Variants in ROBO3 observed in about 807,000 individuals in gnomAD.
ROBO3 encodes the protein roundabout homolog 3.
ROBO3 carries 97 observed loss-of-function variants against 160.5 expected under a neutral mutation model. The ratio of observed to expected loss-of-function variants is 0.60; its 90% CI spans 0.51 to 0.72. The LOEUF (loss-of-function observed/expected upper bound fraction) is 0.72. ROBO3 is among the 30% of genes least tolerant of loss of function. The probability of loss-of-function intolerance (pLI) is 0.00; values close to 1 mark genes in which losing one functional copy is unlikely to be tolerated. For synonymous variants in ROBO3, 780 were observed against 746.2 expected (o/e 1.05, Z -0.74); for missense variants, 1,858 against 1,846.5 (o/e 1.01, Z -0.11).
chr11:124,873,620 T>A lies in ROBO3; in HGVS notation c.1619-77T>A, dbSNP rs575008796. The A allele has an allele frequency of 5.8e-6, 8 of 1,388,060 alleles. No individual in the cohort carries two copies. The African/African-American group carries it at 1.1e-4, about 20-fold the overall frequency. The allele number at this position is 1,388,060 out of a possible 1,614,324, so 86.0% of individuals were successfully genotyped here. On this transcript the variant is annotated intron_variant, in intron 10 of 27. Coordinates refer to ENST00000397801, the MANE Select transcript of ROBO3 (RefSeq NM_022370.4). The surrounding 1 kb of genome is among the most constrained non-coding windows in gnomAD (Gnocchi z 4.5). ...TCACCGCAGCTCAGAGCTCCATAGC[T>A]CCCCTGGTAAGGAGACAGGTTACAC...
In ROBO3 at chr11:124,877,169, G is replaced by A; in HGVS notation, c.2788G>A (p.Ala930Thr). Reference sequence around the variant, plus strand: ...GGGTTCCTTTCTGGAAGCCTCTTTTGCCTACACACCGGCAGGTAAGCCATC... The same window carrying A: ...GGGTTCCTTTCTGGAAGCCTCTTTTACCTACACACCGGCAGGTAAGCCATC... Reference protein sequence around the residue: ...KELSHYTASFAYTPAVSFPHS... With the variant: ...KELSHYTASFTYTPAVSFPHS... Residue 930 changes from alanine (A) to threonine (T), a missense_variant, in exon 18 of 28, where the codon GCC (alanine) becomes ACC (threonine). Transcript: ENST00000397801. 1.2e-6 allele frequency: 2 copies of A among 1,613,870 alleles called. No homozygotes were observed. The highest frequency in any genetic ancestry group is 8.5e-7 in the Non-Finnish European group (1 of 1,179,864).
Position 124,873,509 on chromosome 11 carries a change from C to T in ROBO3, c.1618+118C>T, listed in dbSNP as rs1251433961. On this transcript the variant is annotated intron_variant, in intron 10 of 27. Transcript: ENST00000397801. This position sits in a 1 kb window ranked among gnomAD's most constrained non-coding sequence, Gnocchi z 4.5. ...CTTTATGTCACAAATGCCATGGTTA[C>T]GGTGGTGAGGATGAGAAGGACAGTA... 3.9e-5 allele frequency: 43 copies of T among 1,091,516 alleles called. No individual in the cohort carries two copies. Among genetic ancestry groups the T allele is most frequent in the Middle Eastern group, 2.0e-4 (1 of 5,082 alleles). The allele number at this position is 1,091,516 out of a possible 1,614,324, so 67.6% of individuals were successfully genotyped here.
chr11:124,874,386 T>C, intron 12 of ROBO3, 150 bp downstream of exon 12: 2 of 714,508 alleles, frequency 2.8e-6, no homozygotes, highest in Admixed American at 3.0e-5. Context: ...TAGGAGATCA[T>C]GTTTGCCTCT....
chr11:124,865,508 C>G lies in ROBO3; in HGVS notation c.-70C>G, dbSNP rs1263217792. 5 of 1,523,462 alleles carry G rather than the reference C, an allele frequency of 3.3e-6. No individual in the cohort carries two copies. The highest frequency in any genetic ancestry group is 1.4e-5 in the African/African-American group (1 of 73,020). 94.4% of individuals were successfully genotyped at this position (1,523,462 alleles called of 1,614,324 possible). A position where few individuals can be genotyped will look rare whatever the true frequency, so the allele number is the denominator to read the frequency against. On this transcript the variant is annotated 5_prime_UTR_variant, in exon 1 of 28. Transcript: ENST00000397801. The surrounding 1 kb of genome is among the most constrained non-coding windows in gnomAD (Gnocchi z 5.5). The stretch of plus-strand genomic sequence containing the variant: ...GAGGCTGTGGAGGGGCTTACGGCTC[C>G]CAGCCCACGGGTCTCAGACCCAGGG...
chr11:124,870,055 A>C lies in ROBO3; in HGVS notation c.753A>C (p.Glu251Asp). 6.2e-7 allele frequency: 1 copy of C among 1,614,016 alleles called. No individual in the cohort carries two copies. The highest frequency in any genetic ancestry group is 1.3e-5 in the African/African-American group (1 of 75,058). The change falls in exon 4 of 28, where the codon GAA becomes GAC. Residue 251 changes from glutamate to aspartate, a missense_variant. Glu to Asp is a conservative substitution (Grantham distance 45). Transcript: ENST00000397801. The part of the protein sequence containing the change: ...MAGERESAAA[E>D]VMVLERPSFL... ...GAGAACGGGAGAGTGCGGCAGCTGAAGTCATGGTACTGGGTAGGCACAGGG... is the reference window on the plus strand; with the variant it reads ...GAGAACGGGAGAGTGCGGCAGCTGACGTCATGGTACTGGGTAGGCACAGGG...
In ROBO3 at chr11:124,878,021, C is replaced by G. The variant is rs2135342081; in HGVS notation, c.3071C>G (p.Pro1024Arg). 1.9e-6 allele frequency: 3 copies of G among 1,612,462 alleles called. No homozygotes were observed. Among genetic ancestry groups the G allele is most frequent in the African/African-American group, 1.3e-5 (1 of 75,032 alleles). The change falls in exon 21 of 28, where the codon CCA (proline) becomes CGA (arginine). Residue 1024 changes from proline (P) to arginine (R), a missense_variant. Pro to Arg is a moderately radical substitution (Grantham distance 103). Coordinates refer to ENST00000397801, the MANE Select transcript of ROBO3 (RefSeq NM_022370.4). The surrounding 1 kb of genome is among the most constrained non-coding windows in gnomAD (Gnocchi z 4.3). ...GGTCCTGTCTATAGCACCATTGACC[C>G]AGCGGGGGAGGAGCTGCAGACCTTC... ...GEGPVYSTID[P>R]AGEELQTFHG...
In ROBO3 at chr11:124,869,303, T is replaced by A. The variant is rs1946246520; in HGVS notation, c.488-147T>A. ...CACCACGGCCAGAGAAGGAAGTGGA[T>A]CTGACTCCAGGCTGATATTTTCTCA... On this transcript the variant is annotated intron_variant, in intron 2 of 27. Coordinates refer to ENST00000397801, the MANE Select transcript of ROBO3 (RefSeq NM_022370.4). This position sits in a 1 kb window ranked among gnomAD's most constrained non-coding sequence, Gnocchi z 4.2. 1.8e-6 allele frequency: 2 copies of A among 1,087,398 alleles called. No individual in the cohort carries two copies. The highest frequency in any genetic ancestry group is 2.7e-6 in the Non-Finnish European group (2 of 727,376). 67.4% of individuals were successfully genotyped at this position (1,087,398 alleles called of 1,614,324 possible).
rs1223279009 is a variant in ROBO3 at position 124,874,154 on chromosome 11, C to T, written c.1869C>T (p.Thr623=). 6.2e-7 allele frequency: 1 copy of T among 1,613,978 alleles called. No individual in the cohort carries two copies. Among genetic ancestry groups the T allele is most frequent in the South Asian group, 1.1e-5 (1 of 91,082 alleles). Residue 623 remains threonine, a synonymous_variant, in exon 12 of 28, where the codon ACC becomes ACT. Transcript: ENST00000397801. ...CAGTCAGCGGTCTGCAGCCCAATACCATCTACCTGTTTCTGGTTCGAGCAG... is the reference window on the plus strand; with the variant it reads ...CAGTCAGCGGTCTGCAGCCCAATACTATCTACCTGTTTCTGGTTCGAGCAG... ...THTVSGLQPN[T]IYLFLVRAVG...
chr11:124,875,053 G>GGAGGGCCTGTATGGCCCC, intron 13 of ROBO3, 58 bp from the exon 14 acceptor site: 1 of 1,518,374 alleles, frequency 6.6e-7, no homozygotes, highest in East Asian at 2.4e-5. Flanking sequence ...TGGATGGCCT[G>GGAGGGCCTGTATGGCCCC]GAGGGCCTGT....
chr11:124,873,856 C>T lies in ROBO3; in HGVS notation c.1778C>T (p.Ala593Val), dbSNP rs375024096. The T allele has an allele frequency of 3.4e-5, 55 of 1,612,754 alleles. No individual in the cohort carries two copies. The highest frequency in any genetic ancestry group is 4.6e-5 in the Non-Finnish European group (54 of 1,179,370). The change falls in exon 11 of 28, where the codon GCC becomes GTC. Residue 593 changes from alanine to valine, a missense_variant. Transcript: ENST00000397801. The surrounding 1 kb of genome is among the most constrained non-coding windows in gnomAD (Gnocchi z 4.5). ...GAAVTSYVIE[A>V]FSPAAGNTWR... ...GCAGTCACGTCTTATGTGATAGAGGCCTTCAGGTATGGAGAAAGTTTTGAA... is the reference window on the plus strand; with the variant it reads ...GCAGTCACGTCTTATGTGATAGAGGTCTTCAGGTATGGAGAAAGTTTTGAA...
rs1194290838 is a variant in ROBO3 at position 124,876,140 on chromosome 11, G to T, written c.2593+15G>T. ...GGTGCAGCTGCGTGAGTCCACCCGA[G>T]GGCAGTGCTGAGGATCTTGACGGGG... On this transcript the variant is annotated intron_variant, in intron 16 of 27. Coordinates refer to ENST00000397801, the MANE Select transcript of ROBO3 (RefSeq NM_022370.4). The surrounding 1 kb of genome is among the most constrained non-coding windows in gnomAD (Gnocchi z 5.3). The T allele has an allele frequency of 6.9e-6, 11 of 1,589,676 alleles. No homozygotes were observed. The highest frequency in any genetic ancestry group is 9.4e-6 in the Non-Finnish European group (11 of 1,171,986).
At position 124,872,600 on chromosome 11, in the gene ROBO3, A is replaced by C. The variant is rs1295999427; in HGVS notation, c.1330+48A>C. On this transcript the variant is annotated intron_variant, in intron 8 of 27. Coordinates refer to ENST00000397801, the MANE Select transcript of ROBO3 (RefSeq NM_022370.4). The surrounding 1 kb of genome is among the most constrained non-coding windows in gnomAD (Gnocchi z 4.3). ...CTGGATCCATGGCTTGGGAGGAAAT[A>C]ATGGCCTAAAGTGATGTGTTTCTCT... 1 of 1,558,832 alleles carries C rather than the reference A, an allele frequency of 6.4e-7. No homozygotes were observed. Among genetic ancestry groups the C allele is most frequent in the South Asian group, 1.2e-5 (1 of 86,404 alleles).
intron 1 of ROBO3, among the ~76,000 whole-genome samples, chr11:124,867,085 C>T (rs1428283298): frequency 6.6e-6 from 1 of 152,008 alleles, no homozygotes; most frequent in African/African-American, 2.4e-5. Flanking sequence ...GTGAATGGTG[C>T]CCTAATCGTC....
In ROBO3 at chr11:124,879,826, C is replaced by T. The variant is rs201702041; in HGVS notation, c.3836C>T (p.Ala1279Val). ...CCCTTGCCACCGCCAGAGGAAGAGG[C>T]GAGCTGGGCCCTAGAGCTGAGGGCA... is the stretch of plus-strand genomic sequence containing the variant. ...PPPLPPPEEE[A>V]SWALELRAAG... The change falls in exon 26 of 28, where the codon GCG (alanine) becomes GTG (valine). Residue 1279 changes from alanine to valine, a missense_variant. Transcript: ENST00000397801. 2.7e-4 allele frequency: 430 copies of T among 1,613,858 alleles called. 1 individual carries two copies. Among genetic ancestry groups the T allele is most frequent in the South Asian group, 9.0e-4 (82 of 91,070 alleles).
chr11:124,878,831 C>T lies in ROBO3; in HGVS notation c.3533+35C>T, dbSNP rs749644136. The T allele has an allele frequency of 6.3e-5, 96 of 1,527,642 alleles. No individual in the cohort carries two copies. In the Admixed American group the frequency reaches 1.6e-3, roughly 26 times the overall value. 94.6% of individuals were successfully genotyped at this position (1,527,642 alleles called of 1,614,324 possible). On this transcript the variant is annotated intron_variant, in intron 23 of 27. Coordinates refer to ENST00000397801, the MANE Select transcript of ROBO3 (RefSeq NM_022370.4). This position sits in a 1 kb window ranked among gnomAD's most constrained non-coding sequence, Gnocchi z 4.3. ...TATATAGTACCTCACTCATTGCAAG[C>T]CCTCTATACGTATCTACTCAGTAGA...
At position 124,877,632 on chromosome 11, in the gene ROBO3, C is replaced by G; in HGVS notation, c.2960C>G (p.Pro987Arg). The G allele has an allele frequency of 6.2e-7, 1 of 1,610,894 alleles. No individual in the cohort carries two copies. The highest frequency in any genetic ancestry group is 8.5e-7 in the Non-Finnish European group (1 of 1,178,676). The part of the protein sequence containing the change: ...EPRGSCCPSN[P>R]DPDDRYYNEA... The stretch of plus-strand genomic sequence containing the variant: ...AGGGGAAGCTGCTGCCCTAGCAATC[C>G]TGACCCGGACGACAGATATTACAAC... Residue 987 changes from proline (P) to arginine (R), a missense_variant, in exon 20 of 28, where the codon CCT becomes CGT. Coordinates refer to ENST00000397801, the MANE Select transcript of ROBO3 (RefSeq NM_022370.4).
At chr11:124,881,106 G>T in intron 27 of ROBO3, 133 bp from the exon 28 acceptor site, 1 of 809,900 alleles carries the variant, frequency 1.2e-6, no homozygotes, top group Non-Finnish European at 2.0e-6. Context: ...GTGAGGACAA[G>T]ATGACACATA....
chr11:124,877,195 T>C lies in ROBO3; in HGVS notation c.2803+11T>C. ...CCTACACACCGGCAGGTAAGCCATC[T>C]CTGCCCCAGTGGGGTTCAGACCCCC... On this transcript the variant is annotated intron_variant, in intron 18 of 27. Transcript: ENST00000397801. 6.2e-7 allele frequency: 1 copy of C among 1,613,920 alleles called. No homozygotes were observed. The highest frequency in any genetic ancestry group is 1.3e-5 in the African/African-American group (1 of 75,026).
At position 124,869,437 on chromosome 11, in the gene ROBO3, C is replaced by CCCCCCCCCCCCCT; in HGVS notation, c.488-12_488-11insCCCCCCCCCCCTC. The CCCCCCCCCCCCCT allele has an allele frequency of 1.4e-6, 2 of 1,435,996 alleles. No homozygotes were observed. Among genetic ancestry groups the CCCCCCCCCCCCCT allele is most frequent in the Non-Finnish European group, 1.9e-6 (2 of 1,046,454 alleles). The allele number at this position is 1,435,996 out of a possible 1,614,324, so 89.0% of individuals were successfully genotyped here. On this transcript the variant is annotated splice_polypyrimidine_tract_variant and intron_variant, in intron 2 of 27. Transcript: ENST00000397801. The surrounding 1 kb of genome is among the most constrained non-coding windows in gnomAD (Gnocchi z 4.2). ...TACACCCTGCTTATTTCGCCCCCCA[C>CCCCCCCCCCCCCT]CGCCCCGCCCAGTCCTCCGTGATGA...
Sources: allele counts gnomAD v4.1 joint callset (sites outside exome capture counted in the v4.1 genomes callset), GRCh38; gene constraint gnomAD v4.1.1; non-coding constraint Gnocchi (gnomAD v3.1); transcripts MANE v1.5; gene names NCBI Gene and HGNC (gene_info 2026-07-23, HGNC 2026-07-21).